Variants in EPYC observed in about 807,000 individuals in gnomAD.
The protein encoded by EPYC is dermatan sulfate proteoglycan 3.
Under a neutral mutation model 30.1 loss-of-function variants are expected in EPYC, and 28 were observed. The ratio of observed to expected loss-of-function variants is 0.93; its 90% CI spans 0.69 to 1.28. The LOEUF is 1.28. Ranked by LOEUF, EPYC falls within the 50% of genes most tolerant of loss-of-function variation. The probability of loss-of-function intolerance (pLI) is 0.00; values close to 1 mark genes in which losing one functional copy is unlikely to be tolerated. For missense variants in EPYC, 382 were observed against 383.5 expected (o/e 1.00, Z 0.03); for synonymous variants, 144 against 141.4 (o/e 1.02, Z -0.13).
Position 91,002,527 on chromosome 12 carries a change from G to A in EPYC, c.39C>T (p.Ile13=), listed in dbSNP as rs1877856454. The A allele has an allele frequency of 2.5e-6, 4 of 1,612,938 alleles. No homozygotes were observed. In the South Asian group the frequency reaches 4.4e-5, roughly 18 times the overall value. The change falls in exon 2 of 7, where the codon ATC becomes ATT. Residue 13 remains isoleucine, a synonymous_variant. Transcript: ENST00000261172. ...TTGGGGCAGTCACAGCAGCATCAAA[G>A]ATGACAAGTCCCAGAACAAGTCCTG... is the stretch of plus-strand genomic sequence containing the variant. The part of the protein sequence containing the change: ...TLAGLVLGLV[I]FDAAVTAPTL...
intron 1 of EPYC, among the ~76,000 whole-genome samples, chr12:91,002,949 G>A (rs539719136): frequency 1.3e-5 from 2 of 152,070 alleles, no homozygotes; most frequent in Admixed American, 6.6e-5. Flanking sequence ...AAGATGATAA[G>A]GATAATGATG....
At position 90,966,003 on chromosome 12, in the gene EPYC, C is replaced by T. The variant is rs146030836; in HGVS notation, c.799-1677G>A. On this transcript the variant is annotated intron_variant, in intron 6 of 6. Transcript: ENST00000261172. ...TTGTAACCTGCCACATTGCTGAACT[C>T]ATTTATTAGTTCAACTAGTTTTTAG... 6.3e-3 allele frequency among the ~76,000 whole-genome samples: 952 copies of T among 151,978 alleles called. 7 individuals are homozygous for T. The highest frequency in any genetic ancestry group is 0.022 in the African/African-American group (913 of 41,484).
At chr12:91,003,931 G>A (rs1877891302) in intron 1 of EPYC, among the ~76,000 whole-genome samples, 1 of 152,070 alleles carries the variant, frequency 6.6e-6, no homozygotes, top group Admixed American at 6.6e-5. Flanking sequence ...AGTACAAGGA[G>A]CTCCTTCTTA....
chr12:90,991,920 T>G (rs1328296415), intron 2 of EPYC, among the ~76,000 whole-genome samples: 1 of 152,128 alleles, frequency 6.6e-6, no homozygotes, highest in African/African-American at 2.4e-5. Flanking sequence ...TTGAACAAAG[T>G]CTTGAGGAGA....
chr12:90,987,079 G>T (rs879450395), intron 2 of EPYC, among the ~76,000 whole-genome samples: 1 of 152,068 alleles, frequency 6.6e-6, no homozygotes, highest in Non-Finnish European at 1.5e-5. Context: ...AATGGTTAAA[G>T]TTGCATGAGA....
chr12:90,964,960 C>T (rs1160790438), intron 6 of EPYC, among the ~76,000 whole-genome samples: 2 of 152,138 alleles, frequency 1.3e-5, no homozygotes, highest in East Asian at 3.9e-4. Flanking sequence ...ATTAACAGAG[C>T]TTTGCAACCA....
intron 2 of EPYC, among the ~76,000 whole-genome samples, chr12:90,986,432 T>C (rs1278123827): frequency 6.6e-6 from 1 of 152,100 alleles, no homozygotes; most frequent in Non-Finnish European, 1.5e-5. Context: ...AATCTTAGAC[T>C]CATCAATGAA....
At chr12:90,985,451 C>T (rs1015256851) in intron 2 of EPYC, among the ~76,000 whole-genome samples, 2 of 152,008 alleles carry the variant, frequency 1.3e-5, no homozygotes, top group African/African-American at 4.8e-5. Context: ...AATCTGGAGG[C>T]ATTATTAAAC....
intron 3 of EPYC, among the ~76,000 whole-genome samples, chr12:90,974,754 C>T (rs1257828043): frequency 1.3e-5 from 2 of 152,074 alleles, no homozygotes; most frequent in Non-Finnish European, 2.9e-5. Context: ...TGAGAAATTG[C>T]ATTTTCTTTG....
At chr12:91,002,211 A>AAG (rs1555216339) in intron 2 of EPYC, among the ~76,000 whole-genome samples, 190 bp downstream of exon 2, 3 of 140,276 alleles carry the variant, frequency 2.1e-5, no homozygotes, top group Non-Finnish European at 4.7e-5. Context: ...AAAAAAAAAA[A>AAG]GGGCAAAAGA....
intron 5 of EPYC, 82 bp from the exon 6 acceptor site, chr12:90,970,221 A>G: frequency 1.0e-6 from 1 of 977,002 alleles, no homozygotes; most frequent in Non-Finnish European, 1.6e-6. Flanking sequence ...TGTATTTCCC[A>G]TTCCCTCTAC....
intron 2 of EPYC, among the ~76,000 whole-genome samples, chr12:90,982,199 AG>A (rs1877339232): frequency 6.6e-6 from 1 of 152,136 alleles, no homozygotes; most frequent in Non-Finnish European, 1.5e-5. Flanking sequence ...ATCCTCTCTT[AG>A]CTGGAATACA....
intron 6 of EPYC, among the ~76,000 whole-genome samples, chr12:90,969,631 A>G (rs775543918): frequency 7.2e-5 from 11 of 151,908 alleles, no homozygotes; most frequent in Admixed American, 1.3e-4. Flanking sequence ...TAAAACCTAA[A>G]ATCACAGGCT....
intron 2 of EPYC, among the ~76,000 whole-genome samples, chr12:90,995,664 T>C (rs2120861515): frequency 6.6e-6 from 1 of 152,004 alleles, no homozygotes; most frequent in Non-Finnish European, 1.5e-5. Flanking sequence ...TCATAAATAA[T>C]ATATAATATA....
chr12:90,986,201 T>C (rs907932154), intron 2 of EPYC, among the ~76,000 whole-genome samples: 8 of 152,008 alleles, frequency 5.3e-5, no homozygotes, highest in African/African-American at 1.9e-4. Context: ...GGAAGGACAA[T>C]TCAGAGGGGC....
At chr12:90,980,484 C>T (rs559794873) in intron 2 of EPYC, among the ~76,000 whole-genome samples, 4 of 152,120 alleles carry the variant, frequency 2.6e-5, no homozygotes, top group Admixed American at 6.6e-5. Context: ...TTTGTAGACA[C>T]ATTTATTTTC....
chr12:90,978,130 C>A lies in EPYC; in HGVS notation c.298G>T (p.Glu100Ter), dbSNP rs1400804202. 1 of 1,601,110 alleles carries A rather than the reference C, an allele frequency of 6.2e-7. No homozygotes were observed. The part of the protein sequence containing the change: ...PRLIDGSSPQ[E>*]PEFTGVLGPH... Reference sequence around the variant, plus strand: ...CCCAGAACCCCTGTGAATTCAGGCTCCTGGGGAGAAGAGCCATCAATCAGC... The same window carrying A: ...CCCAGAACCCCTGTGAATTCAGGCTACTGGGGAGAAGAGCCATCAATCAGC... Residue 100 changes from glutamate (E) to a stop codon, truncating the protein, a stop_gained, in exon 3 of 7, where the codon GAG (glutamate) becomes TAG (stop). Coordinates refer to ENST00000261172, the MANE Select transcript of EPYC (RefSeq NM_004950.5). LOFTEE classifies it high-confidence loss of function.
chr12:90,975,031 A>G (rs181722137), intron 3 of EPYC, among the ~76,000 whole-genome samples: 76 of 152,200 alleles, frequency 5.0e-4, no homozygotes, highest in African/African-American at 1.7e-3. Context: ...ACCTAGTTGA[A>G]AGGTCTGTTT....
intron 2 of EPYC, among the ~76,000 whole-genome samples, chr12:90,988,401 T>C (rs1181398281): frequency 6.6e-6 from 1 of 152,078 alleles, no homozygotes; most frequent in Non-Finnish European, 1.5e-5. Context: ...TGGTTTGTTA[T>C]TATGGTCAGG....
Sources: allele counts gnomAD v4.1 joint callset (sites outside exome capture counted in the v4.1 genomes callset), GRCh38; gene constraint gnomAD v4.1.1; transcripts MANE v1.5; gene names NCBI Gene and HGNC (gene_info 2026-07-23, HGNC 2026-07-21).